Variants in CFAP61 observed in about 807,000 individuals in gnomAD.
CFAP61 encodes cilia and flagella associated protein 61.
In CFAP61, 107 loss-of-function variants were observed where a neutral mutation model predicts 135.6. The observed-to-expected ratio is 0.79, with a 90% CI of 0.67 to 0.93. The LOEUF (loss-of-function observed/expected upper bound fraction) is 0.93. Among genes scored for constraint, CFAP61 ranks in the 40% least tolerant of loss-of-function variants. The probability of loss-of-function intolerance (pLI) is 0.00; values close to 1 mark genes in which losing one functional copy is unlikely to be tolerated. For synonymous variants in CFAP61, 575 were observed against 578.5 expected, an observed-to-expected ratio of 0.99 and a Z score of 0.09; for missense variants, 1,507 against 1,556.2, an observed-to-expected ratio of 0.97 and a Z score of 0.53.
chr20:20,146,529 CTAGGCTCTAGT>C (rs1197822016), intron 9 of CFAP61, among the ~76,000 whole-genome samples: 2 of 152,126 alleles, frequency 1.3e-5, no homozygotes, highest in African/African-American at 4.8e-5. Context: ...GATTTTTAGG[CTAGGCTCTAGT>C]TATAATATTT....
chr20:20,201,086 T>C (rs1341973560), intron 17 of CFAP61: 1 of 453,728 alleles, frequency 2.2e-6, no homozygotes, highest in African/African-American at 2.1e-5. Flanking sequence ...CAATTAGTCA[T>C]GGACTGATAG....
chr20:20,185,743 T>A (rs2055450423), intron 13 of CFAP61, among the ~76,000 whole-genome samples: 1 of 152,244 alleles, frequency 6.6e-6, no homozygotes, highest in Non-Finnish European at 1.5e-5. Context: ...ACTCTACCAA[T>A]ATGATGGTGA....
intron 25 of CFAP61, among the ~76,000 whole-genome samples, chr20:20,316,444 G>A (rs2057144073): frequency 6.6e-6 from 1 of 151,814 alleles, no homozygotes; most frequent in South Asian, 2.1e-4. Flanking sequence ...TTTGGGCTGA[G>A]ACAATGGGGT....
intron 8 of CFAP61, among the ~76,000 whole-genome samples, chr20:20,114,203 G>C (rs1169934243): frequency 6.6e-6 from 1 of 152,186 alleles, no homozygotes. Flanking sequence ...CTGGGAGGTG[G>C]AGGTTGCAGT....
chr20:20,353,639 A>G (rs1351138844), intron 26 of CFAP61, among the ~76,000 whole-genome samples: 6 of 152,224 alleles, frequency 3.9e-5, no homozygotes, highest in Admixed American at 3.9e-4. Flanking sequence ...CAATTAGCCT[A>G]TGGTAAAATT....
At chr20:20,355,958 A>C (rs369007717) in intron 26 of CFAP61, among the ~76,000 whole-genome samples, 2 of 43,908 alleles carry the variant, frequency 4.6e-5, no homozygotes, top group South Asian at 2.5e-3. Context: ...GTCACACTGT[A>C]AGGGGAGGTG....
intron 15 of CFAP61, among the ~76,000 whole-genome samples, chr20:20,193,461 T>A (rs1356697829): frequency 6.6e-6 from 1 of 152,130 alleles, no homozygotes. Context: ...TTGCACTTTT[T>A]GATCCAATAT....
intron 25 of CFAP61, among the ~76,000 whole-genome samples, chr20:20,308,855 T>C (rs1380497695): frequency 3.3e-5 from 5 of 152,188 alleles, no homozygotes; most frequent in African/African-American, 1.2e-4. Flanking sequence ...TCTGGCAGCA[T>C]GTGGTTGAAG....
chr20:20,060,921 C>T (rs945018607), intron 2 of CFAP61, among the ~76,000 whole-genome samples: 2 of 152,152 alleles, frequency 1.3e-5, no homozygotes, highest in Admixed American at 6.5e-5. Context: ...GCAAGTAAGC[C>T]GTCTTAGACA....
intron 18 of CFAP61, among the ~76,000 whole-genome samples, chr20:20,242,123 C>CT (rs1475743883): frequency 6.6e-6 from 1 of 152,170 alleles, no homozygotes; most frequent in East Asian, 1.9e-4. Flanking sequence ...GCTTTTAGTG[C>CT]TACTCAACAG....
intron 17 of CFAP61, among the ~76,000 whole-genome samples, chr20:20,208,016 C>T (rs866523226): frequency 1.3e-5 from 2 of 152,194 alleles, no homozygotes; most frequent in Admixed American, 6.5e-5. Context: ...CTGCAAGCCC[C>T]GCTGCTCAGT....
At chr20:20,106,525 A>G (rs1211788315) in intron 8 of CFAP61, among the ~76,000 whole-genome samples, 1 of 152,204 alleles carries the variant, frequency 6.6e-6, no homozygotes, top group African/African-American at 2.4e-5. Flanking sequence ...TTCATTTCAC[A>G]ATGGTGGAAA....
At chr20:20,254,636 G>A (rs1330833734) in intron 20 of CFAP61, among the ~76,000 whole-genome samples, 1 of 152,174 alleles carries the variant, frequency 6.6e-6, no homozygotes, top group Non-Finnish European at 1.5e-5. Context: ...AATTCACTGG[G>A]GAGCTTTTCT....
At chr20:20,343,256 G>A (rs1475467029) in intron 26 of CFAP61, among the ~76,000 whole-genome samples, 1 of 152,200 alleles carries the variant, frequency 6.6e-6, no homozygotes, top group East Asian at 1.9e-4. Flanking sequence ...AACCATACAG[G>A]GCCGAAGTGC....
At chr20:20,335,389 C>A (rs1300895416) in intron 25 of CFAP61, among the ~76,000 whole-genome samples, 1 of 152,182 alleles carries the variant, frequency 6.6e-6, no homozygotes, top group Non-Finnish European at 1.5e-5. Flanking sequence ...GAACAGAATT[C>A]TGATTTATAA....
chr20:20,278,770 A>AT (rs568392443), intron 22 of CFAP61, among the ~76,000 whole-genome samples: 4 of 152,020 alleles, frequency 2.6e-5, no homozygotes, highest in South Asian at 2.1e-4. Context: ...AAAAAGGAAG[A>AT]TTTTTTTTAG....
At chr20:20,061,594 T>C (rs888085059) in intron 2 of CFAP61, among the ~76,000 whole-genome samples, 1 of 152,212 alleles carries the variant, frequency 6.6e-6, no homozygotes, top group Non-Finnish European at 1.5e-5. Flanking sequence ...TATATAATGA[T>C]AAAACTGTTG....
At chr20:20,288,095 C>T (rs1167356360) in intron 22 of CFAP61, among the ~76,000 whole-genome samples, 2 of 150,038 alleles carry the variant, frequency 1.3e-5, no homozygotes, top group Non-Finnish European at 3.0e-5. Flanking sequence ...ACTGATGAAG[C>T]ATCCATCTTC....
chr20:20,150,374 A>G (rs923190907), intron 9 of CFAP61, among the ~76,000 whole-genome samples: 1 of 152,202 alleles, frequency 6.6e-6, no homozygotes, highest in African/African-American at 2.4e-5. Flanking sequence ...AACACAGGGC[A>G]AGCTTATATC....
Sources: allele counts gnomAD v4.1 joint callset (sites outside exome capture counted in the v4.1 genomes callset), GRCh38; gene constraint gnomAD v4.1.1; transcripts MANE v1.5; gene names NCBI Gene and HGNC (gene_info 2026-07-23, HGNC 2026-07-21).